Variants in ZFY observed in about 807,000 individuals in gnomAD.
The protein encoded by ZFY is zinc finger Y-chromosomal protein.
For missense variants in ZFY, 113 were observed against 170.9 expected, an observed-to-expected ratio of 0.66 and a Z score of 1.89; for synonymous variants, 47 against 55.8, an observed-to-expected ratio of 0.84 and a Z score of 0.71.
intron 3 of ZFY, among the ~76,000 whole-genome samples, chrY:2,969,200 GA>G (rs2051340485): frequency 3.0e-5 from 1 of 33,556 alleles, no homozygotes; most frequent in Non-Finnish European, 7.4e-5. Flanking sequence ...TAAGTTTAGA[GA>G]AAGAATGTGC....
At position 2,981,542 on chromosome Y, in the gene ZFY, G is replaced by A. The variant is rs1025816003; in HGVS notation, c.*1549G>A. ...GTATTTGGAATATTTTAGGGGATTC[G>A]AATTTTTTTTAACCCACATTACAGC... On this transcript the variant is annotated 3_prime_UTR_variant, in exon 8 of 8. Coordinates refer to ENST00000155093, the MANE Select transcript of ZFY (RefSeq NM_003411.4). 3.0e-5 allele frequency: 1 copy of A among 32,799 alleles called. No individual in the cohort carries two copies. Among genetic ancestry groups the A allele is most frequent in the Non-Finnish European group, 7.5e-5 (1 of 13,248 alleles). 8.2% of individuals were successfully genotyped at this position (32,799 alleles called of 400,897 possible). A position where few individuals can be genotyped will look rare whatever the true frequency, so the allele number is the denominator to read the frequency against.
At chrY:2,952,670 GA>G (rs2051282465) in intron 1 of ZFY, among the ~76,000 whole-genome samples, 1 of 34,217 alleles carries the variant, frequency 2.9e-5, no homozygotes, top group Non-Finnish European at 7.3e-5. Context: ...TTTGAAAATT[GA>G]CACACATAAG....
chrY:2,979,798 C>T lies in ZFY; in HGVS notation c.2211C>T (p.His737=). ...AGCTTAAAAAGCATATGAAGACACA[C>T]AGTGGCAGGAAAGTATATCAGTGTG... is the stretch of plus-strand genomic sequence containing the variant. The part of the protein sequence containing the change: ...QNELKKHMKT[H]SGRKVYQCEY... Residue 737 remains histidine (H), a synonymous_variant, in exon 8 of 8, where the codon CAC becomes CAT. Transcript: ENST00000155093. The T allele has an allele frequency of 2.5e-6, 1 of 397,609 alleles. No individual in the cohort carries two copies. The highest frequency in any genetic ancestry group is 3.0e-5 in the South Asian group (1 of 33,655).
At chrY:2,962,236 G>C (rs2051313895) in intron 3 of ZFY, among the ~76,000 whole-genome samples, 1 of 33,187 alleles carries the variant, frequency 3.0e-5, no homozygotes, top group African/African-American at 1.2e-4. Context: ...TGCTGGCTTT[G>C]TTGATTGTGT....
chrY:2,972,656 C>T, intron 3 of ZFY, among the ~76,000 whole-genome samples: 3 of 33,654 alleles, frequency 8.9e-5, no homozygotes, highest in Admixed American at 8.1e-4. Context: ...GTTGTGAATA[C>T]ATTTATCTGC....
At chrY:2,968,889 A>G in intron 3 of ZFY, among the ~76,000 whole-genome samples, 2 of 33,512 alleles carry the variant, frequency 6.0e-5, no homozygotes, top group Non-Finnish European at 1.5e-4. Flanking sequence ...CAAATTATTT[A>G]AATGTATATT....
intron 3 of ZFY, among the ~76,000 whole-genome samples, chrY:2,970,413 A>C (rs892194968): frequency 1.7e-3 from 56 of 33,720 alleles, no homozygotes; most frequent in Non-Finnish European, 3.5e-3. Flanking sequence ...GGTTGGTGGT[A>C]AATGAACTTT....
At chrY:2,974,364 A>G (rs764208007) in intron 3 of ZFY, among the ~76,000 whole-genome samples, 4 of 30,863 alleles carry the variant, frequency 1.3e-4, no homozygotes, top group Middle Eastern at 0.014. Flanking sequence ...TTGCATTTTT[A>G]GTGGAGACAG....
chrY:2,972,086 T>G, intron 3 of ZFY, among the ~76,000 whole-genome samples: 1 of 31,687 alleles, frequency 3.2e-5, no homozygotes, highest in Non-Finnish European at 7.7e-5. Flanking sequence ...AAAGAGAGAT[T>G]TTAACTTTTT....
intron 2 of ZFY, among the ~76,000 whole-genome samples, chrY:2,960,275 G>A: frequency 2.8e-4 from 9 of 32,265 alleles, no homozygotes; most frequent in Non-Finnish European, 4.5e-4. Context: ...AACAGGAGGA[G>A]GATAGATGGA....
chrY:2,974,427 C>T (rs2051359558), intron 3 of ZFY, among the ~76,000 whole-genome samples: 1 of 32,185 alleles, frequency 3.1e-5, no homozygotes, highest in Non-Finnish European at 7.5e-5. Context: ...TCAGGTGATC[C>T]GCTGCATCGG....
chrY:2,955,628 T>C (rs2051290840), intron 2 of ZFY, among the ~76,000 whole-genome samples: 1 of 34,226 alleles, frequency 2.9e-5, no homozygotes, highest in Non-Finnish European at 7.3e-5. Context: ...AGCTGAATAG[T>C]TTTATTTCCT....
intron 2 of ZFY, among the ~76,000 whole-genome samples, chrY:2,960,781 G>T (rs1035624638): frequency 6.1e-5 from 2 of 32,743 alleles, no homozygotes; most frequent in African/African-American, 2.4e-4. Context: ...GTTTTTTTCT[G>T]TCATTGCCCC....
rs539066170 is a variant in ZFY at position 2,953,665 on chromosome Y, AAC to A, written c.-28-242_-28-241del. Among the ~76,000 whole-genome samples the A allele has an allele frequency of 8.8e-5, 3 of 33,907 alleles. No homozygotes were observed. The South Asian group carries it at 1.9e-3, about 22-fold the overall frequency. The allele number at this position is 33,907 out of a possible 37,273, so 91.0% of individuals were successfully genotyped here. ...CCTGGAATACTAAGCTAGTGTGAGGAACATAGCAAGACCCAAAATCTTTAAAA... is the reference window on the plus strand; with the variant it reads ...CCTGGAATACTAAGCTAGTGTGAGGAATAGCAAGACCCAAAATCTTTAAAA... On this transcript the variant is annotated intron_variant, in intron 1 of 7. Transcript: ENST00000155093.
chrY:2,969,357 T>C (rs2051340723), intron 3 of ZFY, among the ~76,000 whole-genome samples: 1 of 33,262 alleles, frequency 3.0e-5, no homozygotes, highest in Non-Finnish European at 7.4e-5. Context: ...GGGTGATAGA[T>C]AAATTGATGG....
chrY:2,935,747 A>G lies in ZFY; in HGVS notation c.-51A>G. On this transcript the variant is annotated 5_prime_UTR_variant, in exon 1 of 8. Transcript: ENST00000155093. ...ACGCAGGGCACGGCACGGGGGCGAG[A>G]AGGCGAAGGCTGCAGGCGTGAGGTG... 2.9e-5 allele frequency: 1 copy of G among 34,392 alleles called. No homozygotes were observed. The highest frequency in any genetic ancestry group is 7.3e-5 in the Non-Finnish European group (1 of 13,635). The allele number at this position is 34,392 out of a possible 400,897, so 8.6% of individuals were successfully genotyped here.
chrY:2,958,526 A>G (rs2051300188), intron 2 of ZFY, among the ~76,000 whole-genome samples: 1 of 33,731 alleles, frequency 3.0e-5, no homozygotes, highest in Non-Finnish European at 7.4e-5. Context: ...GAAATAAACT[A>G]TAAATCCCAG....
chrY:2,977,305 C>T, intron 6 of ZFY, among the ~76,000 whole-genome samples: 1 of 26,496 alleles, frequency 3.8e-5, no homozygotes, highest in Admixed American at 4.0e-4. Context: ...ACATGAACTT[C>T]TTTTATTATG....
Position 2,980,004 on chromosome Y carries a change from A to G in ZFY, c.*11A>G. ...GTTGGTCTGCCCTAACAGTGTGTCT[A>G]CAAGCTTGTAAAGATGTTGGCCTTG... On this transcript the variant is annotated 3_prime_UTR_variant, in exon 8 of 8. Transcript: ENST00000155093. 1 of 397,532 alleles carries G rather than the reference A, an allele frequency of 2.5e-6. No individual in the cohort carries two copies.
Sources: allele counts gnomAD v4.1 joint callset (sites outside exome capture counted in the v4.1 genomes callset), GRCh38; gene constraint gnomAD v4.1.1; transcripts MANE v1.5; gene names NCBI Gene and HGNC (gene_info 2026-07-23, HGNC 2026-07-21).